The following CNDP2 variants were observed in gnomAD, a reference collection of about 807,000 sequenced individuals.
The protein encoded by CNDP2 is carnosine dipeptidase 2.
Under a neutral mutation model 55.0 loss-of-function variants are expected in CNDP2, and 38 were observed. The observed-to-expected ratio is 0.69, with a 90% CI of 0.53 to 0.90. CNDP2 has a LOEUF of 0.90. Ranked by LOEUF, CNDP2 falls within the 40% of genes least tolerant of loss-of-function variation. The pLI is 0.00. For missense variants in CNDP2, 607 were observed against 621.7 expected, an observed-to-expected ratio of 0.98 and a Z score of 0.25; for synonymous variants, 241 against 260.2, an observed-to-expected ratio of 0.93 and a Z score of 0.71.
intron 9 of CNDP2, chr18:74,517,975 A>G (rs1373752916): frequency 6.6e-6 from 1 of 152,282 alleles, no homozygotes; most frequent in Non-Finnish European, 1.5e-5. Flanking sequence ...ATTTTTTGAT[A>G]AGAAGTCCCC....
At chr18:74,501,189 G>T in intron 2 of CNDP2, 140 bp from the exon 3 acceptor site, 2 of 1,417,876 alleles carry the variant, frequency 1.4e-6, no homozygotes, top group Non-Finnish European at 9.2e-7. Context: ...CACACGTGAT[G>T]GGTCTGTCCT....
chr18:74,520,637 T>C lies in CNDP2; in HGVS notation c.*569T>C, dbSNP rs145892622. 9.7e-3 allele frequency: 1,485 copies of C among 153,570 alleles called. 12 individuals are homozygous for C. The highest frequency in any genetic ancestry group is 0.016 in the Non-Finnish European group (1,132 of 69,108). The allele number at this position is 153,570 out of a possible 1,614,324, so 9.5% of individuals were successfully genotyped here. A position where few individuals can be genotyped will look rare whatever the true frequency, so the allele number is the denominator to read the frequency against. On this transcript the variant is annotated 3_prime_UTR_variant, in exon 12 of 12. Coordinates refer to ENST00000324262, the MANE Select transcript of CNDP2 (RefSeq NM_018235.3). Reference sequence around the variant, plus strand: ...CACCACGGCACTCAAGCCTGGGCAATGTAGCAAGATCCTGTCTCTACAAGA... The same window carrying C: ...CACCACGGCACTCAAGCCTGGGCAACGTAGCAAGATCCTGTCTCTACAAGA...
intron 1 of CNDP2, among the ~76,000 whole-genome samples, chr18:74,498,537 C>G (rs926003114): frequency 2.6e-5 from 4 of 152,112 alleles, no homozygotes; most frequent in Admixed American, 2.6e-4. Context: ...TGAGAATGTA[C>G]CACAGTGAGC....
intron 3 of CNDP2, among the ~76,000 whole-genome samples, chr18:74,502,350 A>G (rs1568277282): frequency 6.6e-6 from 1 of 152,236 alleles, no homozygotes; most frequent in Non-Finnish European, 1.5e-5. Flanking sequence ...ACATACAACA[A>G]CAGGTCCTTG....
At chr18:74,502,295 C>T (rs895467248) in intron 3 of CNDP2, among the ~76,000 whole-genome samples, 10 of 152,150 alleles carry the variant, frequency 6.6e-5, no homozygotes, top group African/African-American at 2.4e-4. Context: ...AGTAAGTACT[C>T]ACGTCATCCA....
intron 1 of CNDP2, among the ~76,000 whole-genome samples, chr18:74,499,140 C>A (rs1978552963): frequency 6.6e-6 from 1 of 152,222 alleles, no homozygotes; most frequent in Non-Finnish European, 1.5e-5. Context: ...TGAGGCACTT[C>A]ATGTCCCCGC....
rs1325693352 is a variant in CNDP2, at chr18:74,512,593, GCTGT to G, written c.742+67_742+70del. 1.8e-5 allele frequency: 26 copies of G among 1,425,056 alleles called. No homozygotes were observed. The East Asian group carries it at 6.0e-4, about 33-fold the overall frequency. The allele number at this position is 1,425,056 out of a possible 1,614,324, so 88.3% of individuals were successfully genotyped here. A position where few individuals can be genotyped will look rare whatever the true frequency, so the allele number is the denominator to read the frequency against. On this transcript the variant is annotated intron_variant, in intron 7 of 11. Transcript: ENST00000324262. Reference sequence around the variant, plus strand: ...GGAAGTGGATGGGCGTGACTTCCAGGCTGTCTGTCATCAGCATTGGGTGCATTTC... The same window carrying G: ...GGAAGTGGATGGGCGTGACTTCCAGGCTGTCATCAGCATTGGGTGCATTTC...
Position 74,518,921 on chromosome 18 carries a change from C to T in CNDP2, c.1211-28C>T, listed in dbSNP as rs920851344. 6 of 1,587,158 alleles carry T rather than the reference C, an allele frequency of 3.8e-6. No homozygotes were observed. The East Asian group carries it at 1.4e-4, about 37-fold the overall frequency. The stretch of plus-strand genomic sequence containing the variant: ...CCCAGCCTTAGGGCCCCAAAGCTCA[C>T]CGTTTATTTTATTTCATTTCCCCCC... On this transcript the variant is annotated intron_variant, in intron 10 of 11. Transcript: ENST00000324262.
chr18:74,513,517 C>G (rs754936386), intron 7 of CNDP2, 42 bp from the exon 8 acceptor site: 2 of 1,568,756 alleles, frequency 1.3e-6, no homozygotes, highest in Non-Finnish European at 1.7e-6. Flanking sequence ...CGCCTTGGTG[C>G]GGCCTCCCCT....
chr18:74,499,822 A>G, intron 1 of CNDP2, 60 bp from the exon 2 acceptor site: 1 of 565,064 alleles, frequency 1.8e-6, no homozygotes, highest in Middle Eastern at 4.1e-4. Context: ...TGGGTGTTGC[A>G]GTGCTGGCTG....
chr18:74,513,807 G>A, intron 8 of CNDP2, 88 bp downstream of exon 8: 1 of 1,394,556 alleles, frequency 7.2e-7, no homozygotes, highest in Non-Finnish European at 9.8e-7. Flanking sequence ...CCTGGGTCCA[G>A]GGGGTCTCTG....
In CNDP2 at chr18:74,518,521, A is replaced by C. The variant is rs780772968; in HGVS notation, c.1091A>C (p.Lys364Thr). 18 of 1,614,080 alleles carry C rather than the reference A, an allele frequency of 1.1e-5. No individual in the cohort carries two copies. In the African/African-American group the frequency reaches 2.4e-4, roughly 22 times the overall value. The stretch of plus-strand genomic sequence containing the variant: ...TAGGTCACAAGCTACCTAACTAAGA[A>C]GTTTGCTGAACTACGCAGCCCCAAT... ...GEQVTSYLTK[K>T]FAELRSPNEF... Residue 364 changes from lysine (K) to threonine (T), a missense_variant, in exon 10 of 12, where the codon AAG becomes ACG. By Grantham distance (78) the Lys-to-Thr change is moderately conservative. Coordinates refer to ENST00000324262, the MANE Select transcript of CNDP2 (RefSeq NM_018235.3).
chr18:74,504,090 G>A (rs554140100), intron 3 of CNDP2, among the ~76,000 whole-genome samples: 55 of 145,660 alleles, frequency 3.8e-4, no homozygotes, highest in Non-Finnish European at 6.6e-4. Context: ...AGTGCCGCTG[G>A]GACAAATGAG....
At chr18:74,500,738 G>C (rs552371220) in intron 2 of CNDP2, among the ~76,000 whole-genome samples, 2 of 152,318 alleles carry the variant, frequency 1.3e-5, no homozygotes, top group South Asian at 2.1e-4. Context: ...ATTCAGCTGG[G>C]AGCATCGGCA....
In CNDP2 at chr18:74,499,939, C is replaced by G; in HGVS notation, c.-35C>G. ...GACCAGTTGCTCTTCCTTCCAAGAA[C>G]CTTCGAGATCTGCGGTCTGGGGTCT... On this transcript the variant is annotated 5_prime_UTR_variant, in exon 2 of 12. Transcript: ENST00000324262. The G allele has an allele frequency of 6.2e-7, 1 of 1,607,410 alleles. No individual in the cohort carries two copies.
intron 6 of CNDP2, chr18:74,511,254 A>G: frequency 1.9e-6 from 1 of 533,342 alleles, no homozygotes; most frequent in Non-Finnish European, 3.3e-6. Context: ...GTGATTTGTA[A>G]TGTTGCTTTG....
At chr18:74,508,155 G>C (rs1312912331) in intron 4 of CNDP2, 2 of 152,284 alleles carry the variant, frequency 1.3e-5, no homozygotes, top group African/African-American at 4.8e-5. Context: ...TCCCTCCTCT[G>C]GTTCCATGAG....
chr18:74,500,084 G>A (rs752962548), intron 2 of CNDP2, 51 bp downstream of exon 2: 65 of 1,516,726 alleles, frequency 4.3e-5, no homozygotes, highest in Non-Finnish European at 5.9e-5. Flanking sequence ...TAATCCCATG[G>A]GGCCCAGAGA....
chr18:74,516,656 A>G (rs1447648688), intron 9 of CNDP2: 1 of 438,316 alleles, frequency 2.3e-6, no homozygotes, highest in Non-Finnish European at 4.1e-6. Flanking sequence ...GCCAAACACC[A>G]ACTTTGGACC....
Sources: gnomAD v4.1 joint callset for allele counts (sites outside exome capture counted in the v4.1 genomes callset) on GRCh38, gnomAD v4.1.1 for gene constraint, MANE v1.5 for transcripts, NCBI Gene and HGNC (gene_info 2026-07-23, HGNC 2026-07-21) for gene names.